Variants in RREB1 observed in about 807,000 individuals in gnomAD.
The protein encoded by RREB1 is ras responsive element binding protein 1, also known as ras-responsive element-binding protein 1.
RREB1 carries 27 observed loss-of-function variants against 117.8 expected under a neutral mutation model. That is an observed-to-expected ratio of 0.23 (90% CI 0.17 to 0.32). The LOEUF is 0.32. RREB1 is among the 10% of genes least tolerant of loss of function. The pLI, the probability that RREB1 is intolerant of heterozygous loss-of-function variation, is 1.00. For missense variants in RREB1, 2,577 were observed against 2,378.2 expected, an observed-to-expected ratio of 1.08 and a Z score of -1.74; for synonymous variants, 1,298 against 1,026.7, an observed-to-expected ratio of 1.26 and a Z score of -5.05.
chr6:7,250,335 G>A lies in RREB1; in HGVS notation c.*1367G>A, dbSNP rs1477470196. 7.2e-5 allele frequency: 11 copies of A among 152,176 alleles called. No individual in the cohort carries two copies. The highest frequency in any genetic ancestry group is 5.2e-4 in the Admixed American group (8 of 15,288). 9.4% of individuals were successfully genotyped at this position (152,176 alleles called of 1,614,324 possible). On this transcript the variant is annotated 3_prime_UTR_variant, in exon 13 of 13. Transcript: ENST00000379938. Reference sequence around the variant, plus strand: ...AATAGGTTTATATTTACCTTCCTGCGATGTGGGGTTGGTGCTTGAAGATAA... The same window carrying A: ...AATAGGTTTATATTTACCTTCCTGCAATGTGGGGTTGGTGCTTGAAGATAA...
chr6:7,248,409 C>G (rs1252014463), intron 12 of RREB1, 102 bp from the exon 13 acceptor site: 9 of 990,788 alleles, frequency 9.1e-6, no homozygotes, highest in Admixed American at 2.1e-5. Context: ...AGTCCTGGCC[C>G]CCCGCACATA....
chr6:7,210,270 G>T (rs978285565), intron 6 of RREB1, among the ~76,000 whole-genome samples: 5 of 152,216 alleles, frequency 3.3e-5, no homozygotes, highest in African/African-American at 9.6e-5. Flanking sequence ...ACAGGGAACT[G>T]CTTTCAGGTC....
At chr6:7,129,647 T>C (rs1259891293) in intron 1 of RREB1, among the ~76,000 whole-genome samples, 3 of 152,236 alleles carry the variant, frequency 2.0e-5, no homozygotes, top group African/African-American at 7.2e-5. Context: ...GCCATAGACT[T>C]GTTGAAAAGC....
intron 6 of RREB1, among the ~76,000 whole-genome samples, chr6:7,205,112 C>T (rs919127442): frequency 7.9e-5 from 12 of 152,316 alleles, no homozygotes; most frequent in South Asian, 2.1e-4. Flanking sequence ...AACCTGCAAA[C>T]GGTGCAGAGA....
intron 1 of RREB1, among the ~76,000 whole-genome samples, chr6:7,173,497 A>C (rs1430375428): frequency 6.6e-6 from 1 of 151,234 alleles, no homozygotes; most frequent in African/African-American, 2.4e-5. Context: ...TGTCTCAAAA[A>C]CATGAAGAAA....
Position 7,229,684 on chromosome 6 carries a change from A to G in RREB1, c.1585A>G (p.Asn529Asp). 6.2e-7 allele frequency: 1 copy of G among 1,611,246 alleles called. No individual in the cohort carries two copies. The highest frequency in any genetic ancestry group is 8.5e-7 in the Non-Finnish European group (1 of 1,178,894). Residue 529 changes from asparagine to aspartate, a missense_variant, in exon 10 of 13, where the codon AAC (asparagine) becomes GAC (aspartate). Physicochemically the swap from Asn to Asp is conservative, Grantham distance 23. Transcript: ENST00000379938. The surrounding 1 kb of genome is among the most constrained non-coding windows in gnomAD (Gnocchi z 4.5). ...CACCTCCACGCCCCCGCCTCTCATC[A>G]ACGCCCAGCAGGCTTCCCCGGGCTG... ...VATSTPPPLI[N>D]AQQASPGCIS...
chr6:7,132,114 G>C (rs571765095), intron 1 of RREB1, among the ~76,000 whole-genome samples: 2 of 152,270 alleles, frequency 1.3e-5, no homozygotes, highest in African/African-American at 4.8e-5. Flanking sequence ...GAGTACAATG[G>C]TGCAATCTCG....
intron 1 of RREB1, among the ~76,000 whole-genome samples, chr6:7,168,405 A>G (rs1764059620): frequency 6.6e-6 from 1 of 152,232 alleles, no homozygotes; most frequent in African/African-American, 2.4e-5. Flanking sequence ...TTAGAAGTGC[A>G]GAATCTGGAA....
At chr6:7,151,404 C>A (rs1179954522) in intron 1 of RREB1, among the ~76,000 whole-genome samples, 1 of 152,156 alleles carries the variant, frequency 6.6e-6, no homozygotes, top group Non-Finnish European at 1.5e-5. Context: ...TAAGGGATTT[C>A]AGCAGTCATA....
At chr6:7,145,450 G>C (rs1361672775) in intron 1 of RREB1, among the ~76,000 whole-genome samples, 3 of 152,162 alleles carry the variant, frequency 2.0e-5, no homozygotes, top group African/African-American at 7.2e-5. Context: ...CAGCTTAGCT[G>C]ATGCTTCTGT....
intron 1 of RREB1, among the ~76,000 whole-genome samples, chr6:7,153,336 A>G (rs943929726): frequency 6.6e-6 from 1 of 151,776 alleles, no homozygotes; most frequent in African/African-American, 2.4e-5. Flanking sequence ...TCCACACGTG[A>G]TTACATAAAT....
In RREB1 at chr6:7,229,123, G is replaced by A. The variant is rs113114064; in HGVS notation, c.1024G>A (p.Asp342Asn). 2.1e-3 allele frequency: 3,313 copies of A among 1,608,906 alleles called. 23 individuals carry two copies. In the African/African-American group the frequency reaches 0.026, roughly 12 times the overall value. The change falls in exon 10 of 13, where the codon GAC becomes AAC. Residue 342 changes from aspartate (D) to asparagine (N), a missense_variant. Transcript: ENST00000379938. This position sits in a 1 kb window ranked among gnomAD's most constrained non-coding sequence, Gnocchi z 4.5. The part of the protein sequence containing the change: ...ALHKQTHVAA[D>N]QGQEKPQATP... ...GCACAAGCAGACCCATGTGGCGGCA[G>A]ACCAGGGTCAAGAAAAGCCGCAGGC... is the stretch of plus-strand genomic sequence containing the variant.
At chr6:7,205,524 C>T (rs1171477764) in intron 6 of RREB1, among the ~76,000 whole-genome samples, 3 of 152,208 alleles carry the variant, frequency 2.0e-5, no homozygotes, top group Non-Finnish European at 4.4e-5. Flanking sequence ...ATCTTTCCAC[C>T]CAGATTCCTG....
chr6:7,179,336 T>G (rs1299849326), intron 2 of RREB1, among the ~76,000 whole-genome samples: 1 of 152,098 alleles, frequency 6.6e-6, no homozygotes, highest in South Asian at 2.1e-4. Flanking sequence ...TTTGCCTAGG[T>G]TGGACTTGAA....
chr6:7,195,606 A>G (rs1012885438), intron 6 of RREB1, among the ~76,000 whole-genome samples: 8 of 152,220 alleles, frequency 5.3e-5, no homozygotes, highest in African/African-American at 1.9e-4. Context: ...TCGATCTGTG[A>G]GAGTTTAGTG....
In RREB1 at chr6:7,168,253, T is replaced by TGAA. The variant is rs1187140430; in HGVS notation, c.-284-8401_-284-8399dup. 8.6e-5 allele frequency among the ~76,000 whole-genome samples: 7 copies of TGAA among 81,400 alleles called. No homozygotes were observed. In the East Asian group the frequency reaches 1.4e-3, roughly 16 times the overall value. The allele number at this position is 81,400 out of a possible 152,430, so 53.4% of individuals were successfully genotyped here. ...CTGGGTGACAGAGTGAGACTCCGTC[T>TGAA]GAAAAAAAAAAAAAAAAAAAAAAGA... On this transcript the variant is annotated intron_variant, in intron 1 of 12. Coordinates refer to ENST00000379938, the MANE Select transcript of RREB1 (RefSeq NM_001003699.4).
chr6:7,172,697 G>T (rs974259175), intron 1 of RREB1, among the ~76,000 whole-genome samples: 1 of 147,588 alleles, frequency 6.8e-6, no homozygotes, highest in African/African-American at 2.6e-5. Flanking sequence ...GGTGTGGGGG[G>T]GTGGGGGTGA....
At position 7,226,473 on chromosome 6, in the gene RREB1, C is replaced by T. The variant is rs758011708; in HGVS notation, c.714C>T (p.Asp238=). 5.0e-6 allele frequency: 8 copies of T among 1,611,028 alleles called. No individual in the cohort carries two copies. The highest frequency in any genetic ancestry group is 5.1e-6 in the Non-Finnish European group (6 of 1,178,380). ...ETHSDNPLRC[D]ICCVTFRTHR... is the part of the protein sequence containing the mutation. ...TCTCCCTTTCCTCTCCTAGATGTGA[C>T]ATTTGTTGTGTCACCTTTCGAACAC... Residue 238 remains aspartate (D), a synonymous_variant, in exon 9 of 13, where the codon GAC becomes GAT. Coordinates refer to ENST00000379938, the MANE Select transcript of RREB1 (RefSeq NM_001003699.4).
chr6:7,180,457 C>T lies in RREB1; in HGVS notation c.-165-667C>T, dbSNP rs1764730739. On this transcript the variant is annotated intron_variant, in intron 2 of 12. Coordinates refer to ENST00000379938, the MANE Select transcript of RREB1 (RefSeq NM_001003699.4). ...TGTGGACTCGTAGAATTTATTAGCA[C>T]ACATTGTGGGATAATAGGATCTTAA... Among the ~76,000 whole-genome samples the T allele has an allele frequency of 2.0e-5, 3 of 152,192 alleles. No homozygotes were observed. In the South Asian group the frequency reaches 6.2e-4, roughly 32 times the overall value.
Sources: gnomAD v4.1 joint callset for allele counts (sites outside exome capture counted in the v4.1 genomes callset) on GRCh38, gnomAD v4.1.1 for gene constraint, Gnocchi (gnomAD v3.1) non-coding constraint, MANE v1.5 for transcripts, NCBI Gene and HGNC (gene_info 2026-07-23, HGNC 2026-07-21) for gene names.